Variants in PCDHGB7 observed in about 807,000 individuals in gnomAD.
The protein encoded by PCDHGB7 is protocadherin gamma subfamily B, 7.
In PCDHGB7, 37 loss-of-function variants were observed where a neutral mutation model predicts 61.4. The ratio of observed to expected loss-of-function variants is 0.60; its 90% CI spans 0.46 to 0.79. PCDHGB7 has a LOEUF of 0.79. PCDHGB7 is among the 30% of genes least tolerant of loss of function. PCDHGB7 has a pLI of 0.00. For missense variants in PCDHGB7, 1,166 were observed against 1,202.5 expected, an observed-to-expected ratio of 0.97 and a Z score of 0.45; for synonymous variants, 464 against 503.5, an observed-to-expected ratio of 0.92 and a Z score of 1.05.
At chr5:141,433,381 A>ATCTC (rs1561869478) in intron 1 of PCDHGB7, among the ~76,000 whole-genome samples, 1 of 151,148 alleles carries the variant, frequency 6.6e-6, no homozygotes, top group Admixed American at 6.6e-5. Flanking sequence ...CTATCTATCT[A>ATCTC]TCTATCTATC....
Position 141,419,523 on chromosome 5 carries a change from G to T in PCDHGB7, c.1664G>T (p.Arg555Leu), listed in dbSNP as rs553587727. The change falls in exon 1 of 4, where the codon CGT becomes CTT. Residue 555 changes from arginine (R) to leucine (L), a missense_variant. Arg to Leu is a moderately radical substitution (Grantham distance 102). Coordinates refer to ENST00000398594, the MANE Select transcript of PCDHGB7 (RefSeq NM_018927.4). Reference protein sequence around the residue: ...NVSLRVLVGDRNDNAPRVLYP... With the variant: ...NVSLRVLVGDLNDNAPRVLYP... ...AGCCTGCGCGTGTTGGTGGGCGACC[G>T]TAACGACAACGCACCGCGGGTGCTG... 1.3e-5 allele frequency: 21 copies of T among 1,612,086 alleles called. No individual in the cohort carries two copies. The highest frequency in any genetic ancestry group is 2.2e-5 in the East Asian group (1 of 44,892).
rs1424307952 is a variant in PCDHGB7, at chr5:141,418,935, A to T, written c.1076A>T (p.Asp359Val). The change falls in exon 1 of 4, where the codon GAT (aspartate) becomes GTT (valine). Residue 359 changes from aspartate to valine, a missense_variant. By Grantham distance (152) the Asp-to-Val change is radical (BLOSUM62 -3). Coordinates refer to ENST00000398594, the MANE Select transcript of PCDHGB7 (RefSeq NM_018927.4). ...TCACTCTCTGATCAGATTATGGAGG[A>T]TTCCCCTCCAGGAGTGGTTGTTGCC... is the stretch of plus-strand genomic sequence containing the variant. Reference protein sequence around the residue: ...ITSLSDQIMEDSPPGVVVALF... With the variant: ...ITSLSDQIMEVSPPGVVVALF... The T allele has an allele frequency of 1.2e-6, 2 of 1,613,834 alleles. No homozygotes were observed. Among genetic ancestry groups the T allele is most frequent in the Admixed American group, 3.3e-5 (2 of 60,026 alleles).
rs2099883697 is a variant in PCDHGB7, at chr5:141,511,284, G to T, written c.*111G>T. On this transcript the variant is annotated 3_prime_UTR_variant, in exon 4 of 4. Coordinates refer to ENST00000398594, the MANE Select transcript of PCDHGB7 (RefSeq NM_018927.4). ...AGGGCTAACCCCCAGAATACTGGTA[G>T]GGGCCAAGGCCATGCTCCCCTTGGG... 6.5e-7 allele frequency: 1 copy of T among 1,528,258 alleles called. No homozygotes were observed. Among genetic ancestry groups the T allele is most frequent in the African/African-American group, 1.4e-5 (1 of 72,674 alleles). 94.7% of individuals were successfully genotyped at this position (1,528,258 alleles called of 1,614,324 possible). A position where few individuals can be genotyped will look rare whatever the true frequency, so the allele number is the denominator to read the frequency against.
At chr5:141,439,215 G>A (rs1319217047) in intron 1 of PCDHGB7, among the ~76,000 whole-genome samples, 2 of 151,488 alleles carry the variant, frequency 1.3e-5, no homozygotes, top group African/African-American at 4.9e-5. Flanking sequence ...ATCCATATGT[G>A]AAAATTCTTA....
chr5:141,490,640 G>C lies in PCDHGB7; in HGVS notation c.2416-4167G>C, dbSNP rs774630488. 1 of 1,614,122 alleles carries C rather than the reference G, an allele frequency of 6.2e-7. No individual in the cohort carries two copies. The highest frequency in any genetic ancestry group is 8.5e-7 in the Non-Finnish European group (1 of 1,180,012). On this transcript the variant is annotated intron_variant, in intron 1 of 3. Coordinates refer to ENST00000398594, the MANE Select transcript of PCDHGB7 (RefSeq NM_018927.4). This position sits in a 1 kb window ranked among gnomAD's most constrained non-coding sequence, Gnocchi z 5.4. The stretch of plus-strand genomic sequence containing the variant: ...TACACTGCTTACATCCTAGAAAACC[G>C]GCCTCCGGGCTCCCTTCTTTGCACT...
Position 141,419,348 on chromosome 5 carries a change from G to A in PCDHGB7, c.1489G>A (p.Glu497Lys), listed in dbSNP as rs1195474899. 1 of 1,613,816 alleles carries A rather than the reference G, an allele frequency of 6.2e-7. No individual in the cohort carries two copies. Among genetic ancestry groups the A allele is most frequent in the Non-Finnish European group, 8.5e-7 (1 of 1,179,894 alleles). ...CTACTCTCTCATTGCCAGCGACCTGGAGTCACGAACGCTGTCGTCCTACGT... is the reference window on the plus strand; with the variant it reads ...CTACTCTCTCATTGCCAGCGACCTGAAGTCACGAACGCTGTCGTCCTACGT... ...VSYSLIASDL[E>K]SRTLSSYVSV... The change falls in exon 1 of 4, where the codon GAG becomes AAG. Residue 497 changes from glutamate (E) to lysine (K), a missense_variant. Transcript: ENST00000398594.
chr5:141,460,027 G>A (rs1002703325), intron 1 of PCDHGB7, among the ~76,000 whole-genome samples: 3 of 152,088 alleles, frequency 2.0e-5, no homozygotes, highest in East Asian at 1.9e-4. Flanking sequence ...GCAGTGAGCC[G>A]AGACTGCACC....
In PCDHGB7 at chr5:141,419,579, C is replaced by A; in HGVS notation, c.1720C>A (p.Leu574Ile). 6.2e-7 allele frequency: 1 copy of A among 1,611,812 alleles called. No individual in the cohort carries two copies. Among genetic ancestry groups the A allele is most frequent in the Non-Finnish European group, 8.5e-7 (1 of 1,179,528 alleles). Reference sequence around the variant, plus strand: ...TGCGCTGGGTCCCGACGGCTCCGCGCTCTTCGACACAGTGCCGCGGGCCGC... The same window carrying A: ...TGCGCTGGGTCCCGACGGCTCCGCGATCTTCGACACAGTGCCGCGGGCCGC... ...YPALGPDGSA[L>I]FDTVPRAAQP... Residue 574 changes from leucine (L) to isoleucine (I), a missense_variant, in exon 1 of 4, where the codon CTC (leucine) becomes ATC (isoleucine). Leu to Ile is a conservative substitution (Grantham distance 5). Transcript: ENST00000398594.
rs759809060 is a variant in PCDHGB7, at chr5:141,476,317, G to A, written c.2416-18490G>A. 1.2e-6 allele frequency: 2 copies of A among 1,614,170 alleles called. No individual in the cohort carries two copies. Among genetic ancestry groups the A allele is most frequent in the South Asian group, 2.2e-5 (2 of 91,078 alleles). On this transcript the variant is annotated intron_variant, in intron 1 of 3. Coordinates refer to ENST00000398594, the MANE Select transcript of PCDHGB7 (RefSeq NM_018927.4). This position sits in a 1 kb window ranked among gnomAD's most constrained non-coding sequence, Gnocchi z 7.6. Reference sequence around the variant, plus strand: ...GTAGCCTCTCAGCCCGCAGGTTCCGGGTGGTGTCTGGAGCTAGCCGAAGAT... The same window carrying A: ...GTAGCCTCTCAGCCCGCAGGTTCCGAGTGGTGTCTGGAGCTAGCCGAAGAT...
At chr5:141,482,901 A>G (rs192886570) in intron 1 of PCDHGB7, among the ~76,000 whole-genome samples, 1 of 152,122 alleles carries the variant, frequency 6.6e-6, no homozygotes, top group Admixed American at 6.6e-5. Context: ...GTGAAACCTC[A>G]TCTCTATTAA....
At chr5:141,427,566 C>A (rs1218268757) in intron 1 of PCDHGB7, 1 of 659,032 alleles carries the variant, frequency 1.5e-6, no homozygotes, top group Non-Finnish European at 2.8e-6. Context: ...CAAGGGCAAG[C>A]CTCCGCTCTC....
intron 1 of PCDHGB7, among the ~76,000 whole-genome samples, chr5:141,425,325 A>G (rs1371591408): frequency 6.6e-6 from 1 of 152,240 alleles, no homozygotes. Context: ...ATCGTGGAGA[A>G]CAAAAAGGAA....
chr5:141,436,207 A>G (rs544201723), intron 1 of PCDHGB7, among the ~76,000 whole-genome samples: 67 of 152,260 alleles, frequency 4.4e-4, no homozygotes, highest in Non-Finnish European at 7.9e-4. Flanking sequence ...ACATAATAGG[A>G]AAACAAATGA....
intron 1 of PCDHGB7, among the ~76,000 whole-genome samples, chr5:141,430,066 G>C (rs550834063): frequency 6.6e-6 from 1 of 151,984 alleles, no homozygotes; most frequent in Non-Finnish European, 1.5e-5. Flanking sequence ...TCATTTTTAG[G>C]TTTCCATAAT....
In PCDHGB7 at chr5:141,486,143, G is replaced by T; in HGVS notation, c.2416-8664G>T. On this transcript the variant is annotated intron_variant, in intron 1 of 3. Coordinates refer to ENST00000398594, the MANE Select transcript of PCDHGB7 (RefSeq NM_018927.4). This position sits in a 1 kb window ranked among gnomAD's most constrained non-coding sequence, Gnocchi z 5.0. ...CTATGAATTTGATGTGCGGGCTCGC[G>T]ATGGGGGTTCTCCAGCCATGGAGCA... 6.2e-7 allele frequency: 1 copy of T among 1,614,198 alleles called. No homozygotes were observed. Among genetic ancestry groups the T allele is most frequent in the Non-Finnish European group, 8.5e-7 (1 of 1,180,030 alleles).
At position 141,505,200 on chromosome 5, in the gene PCDHGB7, G is replaced by T. The variant is rs528060752; in HGVS notation, c.2475-193G>T. On this transcript the variant is annotated intron_variant, in intron 2 of 3. Transcript: ENST00000398594. ...AAAGCATCGGAGGCAGCAAAGAGCTGGTTTGAGGGACTGACTTGTGGGATT... is the reference window on the plus strand; with the variant it reads ...AAAGCATCGGAGGCAGCAAAGAGCTTGTTTGAGGGACTGACTTGTGGGATT... Among the ~76,000 whole-genome samples the T allele has an allele frequency of 6.6e-5, 10 of 152,244 alleles. No individual in the cohort carries two copies. The East Asian group carries it at 7.7e-4, about 12-fold the overall frequency.
Position 141,490,400 on chromosome 5 carries a change from T to A in PCDHGB7, c.2416-4407T>A. On this transcript the variant is annotated intron_variant, in intron 1 of 3. Coordinates refer to ENST00000398594, the MANE Select transcript of PCDHGB7 (RefSeq NM_018927.4). This position sits in a 1 kb window ranked among gnomAD's most constrained non-coding sequence, Gnocchi z 5.4. ...TCAGGTAGAAATGGTGAAGTGAGCC[T>A]TGATATCTCTCCGGACCTGCCATTT... The A allele has an allele frequency of 6.2e-7, 1 of 1,614,202 alleles. No homozygotes were observed. Among genetic ancestry groups the A allele is most frequent in the Non-Finnish European group, 8.5e-7 (1 of 1,180,032 alleles).
Position 141,419,165 on chromosome 5 carries a change from A to G in PCDHGB7, c.1306A>G (p.Lys436Glu). 1 of 1,613,978 alleles carries G rather than the reference A, an allele frequency of 6.2e-7. No individual in the cohort carries two copies. Among genetic ancestry groups the G allele is most frequent in the Non-Finnish European group, 8.5e-7 (1 of 1,179,906 alleles). Residue 436 changes from lysine (K) to glutamate (E), a missense_variant, in exon 1 of 4, where the codon AAA (lysine) becomes GAA (glutamate). Transcript: ENST00000398594. ...DRGKPPLSSS[K>E]TITLHITDVN... ...GGGCAAGCCTCCGTTATCCTCCAGC[A>G]AAACCATAACCCTGCACATTACTGA...
chr5:141,420,401 A>G, intron 1 of PCDHGB7, 127 bp downstream of exon 1: 1 of 1,249,172 alleles, frequency 8.0e-7, no homozygotes. Flanking sequence ...GGTCAAATTT[A>G]TGGTTATCAT....
Sources: gnomAD v4.1 joint callset for allele counts (sites outside exome capture counted in the v4.1 genomes callset) on GRCh38, gnomAD v4.1.1 for gene constraint, Gnocchi (gnomAD v3.1) non-coding constraint, MANE v1.5 for transcripts, NCBI Gene and HGNC (gene_info 2026-07-23, HGNC 2026-07-21) for gene names.